Variants in RALGAPA2 observed in about 807,000 individuals in gnomAD.
The protein encoded by RALGAPA2 is ral GTPase-activating protein subunit alpha-2.
Under a neutral mutation model 230.4 loss-of-function variants are expected in RALGAPA2, and 139 were observed. That is an observed-to-expected ratio of 0.60 (90% CI 0.53 to 0.69). The LOEUF is 0.69. Among genes scored for constraint, RALGAPA2 ranks in the 30% least tolerant of loss-of-function variants. The pLI is 0.00. For missense variants in RALGAPA2, 2,163 were observed against 2,276.0 expected, an observed-to-expected ratio of 0.95 and a Z score of 1.01; for synonymous variants, 847 against 837.8, an observed-to-expected ratio of 1.01 and a Z score of -0.19.
intron 35 of RALGAPA2, among the ~76,000 whole-genome samples, chr20:20,495,543 T>C (rs1261603463): frequency 6.6e-6 from 1 of 152,250 alleles, no homozygotes; most frequent in Non-Finnish European, 1.5e-5. Context: ...TTTGTAAGAA[T>C]TTATTTTCTA....
chr20:20,642,195 T>C (rs1324403158), intron 5 of RALGAPA2, among the ~76,000 whole-genome samples: 1 of 137,226 alleles, frequency 7.3e-6, no homozygotes, highest in Admixed American at 8.2e-5. Flanking sequence ...AGGCTCTATG[T>C]ATATCTTTTT....
chr20:20,708,316 A>T (rs1424516248), intron 1 of RALGAPA2, among the ~76,000 whole-genome samples: 1 of 152,198 alleles, frequency 6.6e-6, no homozygotes, highest in Non-Finnish European at 1.5e-5. Context: ...TTTGGAACCC[A>T]GCGTAAGTAA....
chr20:20,649,468 C>T (rs984537499), intron 4 of RALGAPA2, among the ~76,000 whole-genome samples: 2 of 152,068 alleles, frequency 1.3e-5, no homozygotes, highest in African/African-American at 4.8e-5. Flanking sequence ...TTAGTTAGGC[C>T]TTTGGTTTTT....
In RALGAPA2 at chr20:20,653,533, T is replaced by G; in HGVS notation, c.325A>C (p.Ile109Leu). The change falls in exon 4 of 40, where the codon ATA becomes CTA. Residue 109 changes from isoleucine to leucine, a missense_variant. Transcript: ENST00000202677. ...RIFFRWHYQSIGSTLKKLLHT... is the reference protein window; with the variant it reads ...RIFFRWHYQSLGSTLKKLLHT... The stretch of plus-strand genomic sequence containing the variant: ...AAAAATTTTTAATTGTTCTTACCTA[T>G]ACTCTGGTAATGCCATCGAAAGAAA... The G allele has an allele frequency of 6.7e-7, 1 of 1,486,588 alleles. No homozygotes were observed. The highest frequency in any genetic ancestry group is 2.0e-5 in the Admixed American group (1 of 49,086). The allele number at this position is 1,486,588 out of a possible 1,614,324, so 92.1% of individuals were successfully genotyped here.
Position 20,406,409 on chromosome 20 carries a change from A to G in RALGAPA2, c.5617+5618T>C, listed in dbSNP as rs558227098. On this transcript the variant is annotated intron_variant, in intron 38 of 39. Coordinates refer to ENST00000202677, the MANE Select transcript of RALGAPA2 (RefSeq NM_020343.4). ...TTAAATTGGAAAAAAATCAAAGCAA[A>G]AGTGGTCAGAATCAAGCCGGTTATG... Among the ~76,000 whole-genome samples, 6 of 152,276 alleles carry G rather than the reference A, an allele frequency of 3.9e-5. No homozygotes were observed. In the East Asian group the frequency reaches 9.7e-4, roughly 24 times the overall value.
intron 6 of RALGAPA2, 138 bp from the exon 7 acceptor site, chr20:20,640,038 G>A (rs1359232629): frequency 7.8e-6 from 5 of 644,200 alleles, no homozygotes; most frequent in Non-Finnish European, 1.4e-5. Flanking sequence ...ACACTCCAAG[G>A]CAGTGTGCAT....
At position 20,632,165 on chromosome 20, in the gene RALGAPA2, C is replaced by T. The variant is rs558739831; in HGVS notation, c.1006-2575G>A. ...TCAGCCTCCTGAGTAGCTGGGACTA[C>T]AGGCGCCCGCCACCATGCCCAGCTA... On this transcript the variant is annotated intron_variant, in intron 9 of 39. Coordinates refer to ENST00000202677, the MANE Select transcript of RALGAPA2 (RefSeq NM_020343.4). Among the ~76,000 whole-genome samples the T allele has an allele frequency of 6.2e-4, 94 of 152,150 alleles. 2 individuals carry two copies. In the South Asian group the frequency reaches 0.017, roughly 28 times the overall value.
At chr20:20,578,150 G>A (rs1473220799) in intron 20 of RALGAPA2, among the ~76,000 whole-genome samples, 1 of 152,114 alleles carries the variant, frequency 6.6e-6, no homozygotes, top group Admixed American at 6.6e-5. Context: ...TGAGATGCCT[G>A]TATGAGTTTC....
intron 31 of RALGAPA2, among the ~76,000 whole-genome samples, chr20:20,516,413 A>C (rs1038807805): frequency 2.0e-5 from 3 of 152,218 alleles, no homozygotes; most frequent in African/African-American, 7.2e-5. Flanking sequence ...CATGGCTGCA[A>C]GCTAGCTGAT....
chr20:20,710,344 T>C (rs2069802419), intron 1 of RALGAPA2, among the ~76,000 whole-genome samples: 1 of 152,152 alleles, frequency 6.6e-6, no homozygotes, highest in South Asian at 2.1e-4. Context: ...TTTTTTCGAG[T>C]AGCAATGAAA....
intron 31 of RALGAPA2, among the ~76,000 whole-genome samples, chr20:20,520,487 T>A (rs1322843463): frequency 6.6e-6 from 1 of 152,154 alleles, no homozygotes; most frequent in Admixed American, 6.5e-5. Context: ...TTTATGATGC[T>A]CTCCTAACTT....
At chr20:20,470,774 C>T (rs6046888) in intron 37 of RALGAPA2, among the ~76,000 whole-genome samples, 11,511 of 152,146 alleles carry the variant, frequency 0.076, 703 homozygotes, top group East Asian at 0.17. Context: ...TCTAACATTA[C>T]TGTTTTCCAT....
intron 36 of RALGAPA2, among the ~76,000 whole-genome samples, chr20:20,481,816 A>ATCAACTAC (rs2061782207): frequency 6.6e-6 from 1 of 152,218 alleles, no homozygotes; most frequent in Non-Finnish European, 1.5e-5. Context: ...TTATGCTCTT[A>ATCAACTAC]TCAACTACAT....
intron 1 of RALGAPA2, among the ~76,000 whole-genome samples, chr20:20,702,818 G>A (rs922852158): frequency 4.6e-4 from 70 of 152,262 alleles, no homozygotes; most frequent in African/African-American, 1.7e-3. Context: ...ATATCCATGG[G>A]CTCCTGAACT....
chr20:20,499,982 G>A (rs2062325608), intron 35 of RALGAPA2, among the ~76,000 whole-genome samples: 1 of 152,162 alleles, frequency 6.6e-6, no homozygotes. Flanking sequence ...AAAGCAGTGT[G>A]CATAAAACTT....
chr20:20,640,989 T>A, intron 5 of RALGAPA2, 111 bp from the exon 6 acceptor site: 1 of 939,400 alleles, frequency 1.1e-6, no homozygotes, highest in Non-Finnish European at 1.6e-6. Flanking sequence ...GTGTGTTAAG[T>A]AGTAAACCAA....
intron 16 of RALGAPA2, among the ~76,000 whole-genome samples, chr20:20,596,286 G>A (rs2065452924): frequency 6.6e-6 from 1 of 152,044 alleles, no homozygotes; most frequent in Admixed American, 6.6e-5. Context: ...AAACAATTTT[G>A]GTGGGTTTCT....
In RALGAPA2 at chr20:20,535,934, G is replaced by A. The variant is rs1602690031; in HGVS notation, c.3415-131C>T. The A allele has an allele frequency of 1.6e-5, 22 of 1,362,952 alleles. No homozygotes were observed. The South Asian group carries it at 3.7e-4, about 23-fold the overall frequency. 84.4% of individuals were successfully genotyped at this position (1,362,952 alleles called of 1,614,324 possible). ...GAGCTCAGAGAGCTCATCTATGAGT[G>A]AGAGCCTGGGGGGAAGAAGAACACT... On this transcript the variant is annotated intron_variant, in intron 25 of 39. Coordinates refer to ENST00000202677, the MANE Select transcript of RALGAPA2 (RefSeq NM_020343.4).
chr20:20,707,871 C>T (rs1324916446), intron 1 of RALGAPA2, among the ~76,000 whole-genome samples: 3 of 152,042 alleles, frequency 2.0e-5, no homozygotes, highest in African/African-American at 4.8e-5. Context: ...CACCACACCT[C>T]GCCATGTTAC....
Sources: gnomAD v4.1 joint callset for allele counts (sites outside exome capture counted in the v4.1 genomes callset) on GRCh38, gnomAD v4.1.1 for gene constraint, MANE v1.5 for transcripts, NCBI Gene and HGNC (gene_info 2026-07-23, HGNC 2026-07-21) for gene names.